Variants in IPP observed in about 807,000 individuals in gnomAD.
IPP encodes actin-binding protein IPP.
A neutral mutation model predicts 64.1 loss-of-function variants in IPP; 41 were observed. That is an observed-to-expected ratio of 0.64 (90% confidence interval 0.50 to 0.83). The LOEUF (loss-of-function observed/expected upper bound fraction) is 0.83, where lower values mean the gene tolerates loss of function less well. IPP is among the 40% of genes least tolerant of loss of function. The pLI, the probability that IPP is intolerant of heterozygous loss-of-function variation, is 0.00. For missense variants in IPP, 649 were observed against 703.0 expected, an observed-to-expected ratio of 0.92 and a Z score of 0.87; for synonymous variants, 214 against 235.2, an observed-to-expected ratio of 0.91 and a Z score of 0.83.
chr1:45,728,392 C>T (rs908960264), intron 4 of IPP, among the ~76,000 whole-genome samples: 3 of 151,760 alleles, frequency 2.0e-5, no homozygotes, highest in African/African-American at 4.8e-5. Flanking sequence ...TTATCTCATA[C>T]ATAAGGTACT....
downstream of IPP, chr1:45,694,742 C>G (rs769027728): frequency 4.7e-6 from 2 of 423,102 alleles, no homozygotes; most frequent in Non-Finnish European, 8.5e-6. Flanking sequence ...AACAACTTGT[C>G]CCTTACCACC....
downstream of IPP, among the ~76,000 whole-genome samples, chr1:45,695,884 G>C (rs1645383826): frequency 6.6e-6 from 1 of 152,096 alleles, no homozygotes; most frequent in African/African-American, 2.4e-5. Context: ...GGTCAGGCTG[G>C]TCTCAAACTC....
In IPP at chr1:45,731,181, C is replaced by T. The variant is rs144471671; in HGVS notation, c.725-1412G>A. On this transcript the variant is annotated intron_variant, in intron 3 of 8. Transcript: ENST00000396478. The stretch of plus-strand genomic sequence containing the variant: ...CAAGGGCCAGCACAGTGCCTCATGC[C>T]TGTAATCCCAGCACTTTGGGAGGCT... Among the ~76,000 whole-genome samples, 85 of 152,354 alleles carry T rather than the reference C, an allele frequency of 5.6e-4. No homozygotes were observed. In the East Asian group the frequency reaches 0.013, roughly 23 times the overall value.
At chr1:45,700,633 C>A (rs945567742) in intron 8 of IPP, among the ~76,000 whole-genome samples, 2 of 152,084 alleles carry the variant, frequency 1.3e-5, no homozygotes, top group African/African-American at 4.8e-5. Flanking sequence ...CCACAGCACC[C>A]GGCCCAGAAT....
intron 8 of IPP, among the ~76,000 whole-genome samples, chr1:45,704,115 C>G (rs1355719982): frequency 1.3e-5 from 2 of 152,050 alleles, no homozygotes; most frequent in Non-Finnish European, 2.9e-5. Flanking sequence ...GGGAATTCAC[C>G]TAGGCAGTGA....
rs1646061952 is a variant in IPP at position 45,741,273 on chromosome 1, G to A, written c.352C>T (p.Gln118Ter). 2.5e-6 allele frequency: 4 copies of A among 1,613,816 alleles called. No individual in the cohort carries two copies. The highest frequency in any genetic ancestry group is 1.3e-5 in the African/African-American group (1 of 74,926). The change falls in exon 3 of 9, where the codon CAG becomes TAG. Residue 118 changes from glutamine (Q) to a stop codon, truncating the protein, a stop_gained. Coordinates refer to ENST00000396478, the MANE Select transcript of IPP (RefSeq NM_005897.3). LOFTEE classifies it high-confidence loss of function. ...QELIIAADML[Q>*]LTEVVHLCCE... ...CAAAGATGAACAACTTCAGTCAACT[G>A]TAGCATGTCTGCTGCAATAATCAAC... is the stretch of plus-strand genomic sequence containing the variant.
At chr1:45,729,396 AG>A (rs1645875602) in intron 4 of IPP, among the ~76,000 whole-genome samples, 1 of 152,230 alleles carries the variant, frequency 6.6e-6, no homozygotes, top group African/African-American at 2.4e-5. Context: ...TTTAGATCAC[AG>A]AATAACAGAT....
chr1:45,698,314 T>G (rs1013436897), downstream of IPP, among the ~76,000 whole-genome samples: 1 of 152,178 alleles, frequency 6.6e-6, no homozygotes, highest in Non-Finnish European at 1.5e-5. Context: ...TTTTTTACTG[T>G]ATGCAAGACC....
At chr1:45,714,656 G>C (rs1175908485) in intron 7 of IPP, among the ~76,000 whole-genome samples, 190 bp from the exon 8 acceptor site, 1 of 152,152 alleles carries the variant, frequency 6.6e-6, no homozygotes, top group Non-Finnish European at 1.5e-5. Context: ...CAAAAAATTA[G>C]TGGAATTAAT....
intron 3 of IPP, among the ~76,000 whole-genome samples, chr1:45,735,821 T>A (rs1645973397): frequency 1.6e-5 from 1 of 63,426 alleles, no homozygotes; most frequent in South Asian, 4.8e-4. Context: ...TAAAAAAAAT[T>A]TTTTTGTAGG....
At chr1:45,712,651 A>C (rs1393685641) in intron 8 of IPP, among the ~76,000 whole-genome samples, 2 of 151,770 alleles carry the variant, frequency 1.3e-5, no homozygotes, top group Non-Finnish European at 2.9e-5. Context: ...AGGTCAGGAG[A>C]TCGAGACCAT....
downstream of IPP, among the ~76,000 whole-genome samples, chr1:45,695,287 C>T (rs1321022791): frequency 6.6e-6 from 1 of 152,184 alleles, no homozygotes; most frequent in Non-Finnish European, 1.5e-5. Flanking sequence ...ACCTCAGCCT[C>T]CTGAGTAGCT....
At chr1:45,750,330 G>A (rs980230542) in intron 1 of IPP, among the ~76,000 whole-genome samples, 1 of 152,150 alleles carries the variant, frequency 6.6e-6, no homozygotes, top group Non-Finnish European at 1.5e-5. Flanking sequence ...TCAGACAAAC[G>A]AGGCGACAAC....
intron 8 of IPP, 86 bp downstream of exon 8, chr1:45,714,160 A>G: frequency 1.0e-6 from 1 of 967,808 alleles, no homozygotes; most frequent in Non-Finnish European, 1.6e-6. Context: ...GATCAATATC[A>G]TGAGTGAAAA....
chr1:45,728,145 T>C (rs1645857672), intron 4 of IPP, among the ~76,000 whole-genome samples: 1 of 150,412 alleles, frequency 6.6e-6, no homozygotes, highest in African/African-American at 2.5e-5. Flanking sequence ...TGTGTGTGTG[T>C]GTGTGTGTGT....
intron 8 of IPP, 23 bp from the exon 9 acceptor site, chr1:45,700,213 ATATGT>A: frequency 1.3e-6 from 2 of 1,595,420 alleles, no homozygotes; most frequent in Non-Finnish European, 1.7e-6. Context: ...GAAAAAAAAA[ATATGT>A]TAGCAGTGTT....
At chr1:45,739,534 C>T (rs1466900866) in intron 3 of IPP, among the ~76,000 whole-genome samples, 9 of 145,934 alleles carry the variant, frequency 6.2e-5, no homozygotes, top group African/African-American at 1.8e-4. Context: ...GAATTATAGG[C>T]GTGAACCATT....
At chr1:45,735,318 A>T (rs888950351) in intron 3 of IPP, among the ~76,000 whole-genome samples, 2 of 152,046 alleles carry the variant, frequency 1.3e-5, no homozygotes, top group Non-Finnish European at 2.9e-5. Flanking sequence ...TCCTGACCTC[A>T]AGGGATCCAC....
chr1:45,724,551 C>T (rs1281033622), intron 5 of IPP, among the ~76,000 whole-genome samples: 12 of 151,118 alleles, frequency 7.9e-5, no homozygotes, highest in African/African-American at 2.4e-4. Context: ...TCTTCCCCGC[C>T]GCCATCCCAT....
Sources: allele counts gnomAD v4.1 joint callset (sites outside exome capture counted in the v4.1 genomes callset), GRCh38; gene constraint gnomAD v4.1.1; transcripts MANE v1.5; gene names NCBI Gene and HGNC (gene_info 2026-07-23, HGNC 2026-07-21).